RALGAPB: variants seen among roughly 807,000 people sequenced by gnomAD.
RALGAPB encodes the protein ral GTPase-activating protein subunit beta.
In RALGAPB, 25 loss-of-function variants were observed where a neutral mutation model predicts 161.1. That is an observed-to-expected ratio of 0.16 (90% CI 0.11 to 0.22). The LOEUF (loss-of-function observed/expected upper bound fraction) is 0.22. RALGAPB is among the 10% of genes least tolerant of loss of function. The pLI, the probability that RALGAPB is intolerant of heterozygous loss-of-function variation, is 1.00. For synonymous variants in RALGAPB, 629 were observed against 626.1 expected (o/e 1.00, Z -0.07); for missense variants, 1,391 against 1,815.2 (o/e 0.77, Z 4.25).
At position 38,487,854 on chromosome 20, in the gene RALGAPB, G is replaced by A. The variant is rs145870724; in HGVS notation, c.-30-549G>A. Among the ~76,000 whole-genome samples the A allele has an allele frequency of 5.6e-3, 854 of 152,230 alleles. 6 individuals carry two copies. The highest frequency in any genetic ancestry group is 0.019 in the African/African-American group (804 of 41,530). The stretch of plus-strand genomic sequence containing the variant: ...GGCTGAGGCGGGTGGATCACCTGAG[G>A]TCGGGAGTTCGAGACCAGCCTGACC... On this transcript the variant is annotated intron_variant, in intron 1 of 29. Transcript: ENST00000262879.
chr20:38,546,607 T>C (rs2087172752), intron 19 of RALGAPB, 177 bp downstream of exon 19: 1 of 715,874 alleles, frequency 1.4e-6, no homozygotes, highest in African/African-American at 1.8e-5. Flanking sequence ...AATATACATA[T>C]TACATAGAGT....
At chr20:38,496,375 C>T (rs1262878643) in intron 3 of RALGAPB, among the ~76,000 whole-genome samples, 1 of 152,172 alleles carries the variant, frequency 6.6e-6, no homozygotes, top group African/African-American at 2.4e-5. Context: ...ACTCCCCAGT[C>T]TGATTCAGGT....
rs1182079814 is a variant in RALGAPB at position 38,487,887 on chromosome 20, A to G, written c.-30-516A>G. On this transcript the variant is annotated intron_variant, in intron 1 of 29. Coordinates refer to ENST00000262879, the MANE Select transcript of RALGAPB (RefSeq NM_020336.4). ...TTCGAGACCAGCCTGACCAATGTAGAGAAACCCTGCCTCTACTAAAAATAC... is the reference window on the plus strand; with the variant it reads ...TTCGAGACCAGCCTGACCAATGTAGGGAAACCCTGCCTCTACTAAAAATAC... Among the ~76,000 whole-genome samples the G allele has an allele frequency of 2.6e-5, 4 of 152,096 alleles. 1 individual carries two copies. Among genetic ancestry groups the G allele is most frequent in the Non-Finnish European group, 5.9e-5 (4 of 68,016 alleles).
chr20:38,515,842 A>G (rs2086108946), intron 6 of RALGAPB, among the ~76,000 whole-genome samples: 2 of 152,108 alleles, frequency 1.3e-5, no homozygotes, highest in Non-Finnish European at 2.9e-5. Flanking sequence ...GGCTCAAGTG[A>G]TCTGCCTCAG....
intron 9 of RALGAPB, among the ~76,000 whole-genome samples, chr20:38,518,487 C>A (rs753282781): frequency 8.0e-4 from 121 of 152,132 alleles, no homozygotes; most frequent in Non-Finnish European, 1.6e-3. Context: ...CAAGGGCACA[C>A]TTTCAAAAAT....
At chr20:38,511,022 A>T (rs568970340) in intron 6 of RALGAPB, among the ~76,000 whole-genome samples, 11 of 152,052 alleles carry the variant, frequency 7.2e-5, no homozygotes, top group African/African-American at 2.7e-4. Context: ...TCAACAGATG[A>T]CTCCATTAGG....
Position 38,574,315 on chromosome 20 carries a change from T to A in RALGAPB, c.4291+17T>A. 6.4e-7 allele frequency: 1 copy of A among 1,571,742 alleles called. No homozygotes were observed. The stretch of plus-strand genomic sequence containing the variant: ...GAGCTCTTGGTAAGGTCTTCATATG[T>A]GGCCGAAGAGTTAAATTTTCTTTTT... On this transcript the variant is annotated intron_variant, in intron 29 of 29. Coordinates refer to ENST00000262879, the MANE Select transcript of RALGAPB (RefSeq NM_020336.4).
intron 13 of RALGAPB, among the ~76,000 whole-genome samples, chr20:38,529,987 T>C (rs1457620806): frequency 6.6e-6 from 1 of 152,218 alleles, no homozygotes; most frequent in Non-Finnish European, 1.5e-5. Context: ...ATCAAGCAAC[T>C]CAGCTTTTTC....
intron 3 of RALGAPB, 31 bp from the exon 4 acceptor site, chr20:38,497,322 C>T: frequency 1.9e-6 from 3 of 1,604,904 alleles, no homozygotes; most frequent in Non-Finnish European, 2.6e-6. Context: ...CTCCTCCAGG[C>T]TTGTCAGTGA....
At chr20:38,511,513 G>A (rs1242027759) in intron 6 of RALGAPB, among the ~76,000 whole-genome samples, 2 of 152,010 alleles carry the variant, frequency 1.3e-5, no homozygotes, top group Non-Finnish European at 2.9e-5. Flanking sequence ...GGGTACTTGA[G>A]ATTAGGGAGT....
At chr20:38,493,246 G>A (rs2085327617) in intron 3 of RALGAPB, 114 bp downstream of exon 3, 1 of 802,324 alleles carries the variant, frequency 1.2e-6, no homozygotes, top group Non-Finnish European at 2.0e-6. Context: ...GTGACTTCAT[G>A]TGTTCAGTTA....
chr20:38,527,187 TC>T (rs1315141872), intron 13 of RALGAPB, among the ~76,000 whole-genome samples: 1 of 152,226 alleles, frequency 6.6e-6, no homozygotes, highest in African/African-American at 2.4e-5. Flanking sequence ...TTCAGCTTCT[TC>T]CTAGCATCTT....
At chr20:38,513,814 G>A (rs2086046763) in intron 6 of RALGAPB, among the ~76,000 whole-genome samples, 1 of 152,096 alleles carries the variant, frequency 6.6e-6, no homozygotes, top group African/African-American at 2.4e-5. Context: ...ATTCCTGAAA[G>A]AAAAGTTTTG....
At chr20:38,561,820 T>C (rs948797107) in intron 23 of RALGAPB, among the ~76,000 whole-genome samples, 5 of 152,210 alleles carry the variant, frequency 3.3e-5, no homozygotes, top group Non-Finnish European at 5.9e-5. Context: ...CCACTAGATA[T>C]TTGTAGTGTG....
chr20:38,538,657 A>G (rs2086879354), intron 16 of RALGAPB, among the ~76,000 whole-genome samples: 2 of 152,242 alleles, frequency 1.3e-5, no homozygotes, highest in South Asian at 2.1e-4. Flanking sequence ...AAATAAGCAC[A>G]TGAAAAAAAT....
chr20:38,540,929 A>C, intron 17 of RALGAPB, 112 bp from the exon 18 acceptor site: 1 of 1,139,920 alleles, frequency 8.8e-7, no homozygotes, highest in Admixed American at 2.3e-5. Context: ...AATTACCAAG[A>C]AACTGGAGCC....
chr20:38,531,620 A>C (rs1198954204), intron 14 of RALGAPB, among the ~76,000 whole-genome samples: 2 of 152,178 alleles, frequency 1.3e-5, no homozygotes, highest in African/African-American at 4.8e-5. Context: ...CTCTAGACCT[A>C]AGTTTGCAGG....
chr20:38,571,827 A>G (rs1036527752), intron 28 of RALGAPB, among the ~76,000 whole-genome samples: 2 of 152,198 alleles, frequency 1.3e-5, no homozygotes, highest in African/African-American at 4.8e-5. Flanking sequence ...CCAACAGCAT[A>G]CAAGGGGATT....
At chr20:38,567,548 A>G (rs536366046) in intron 26 of RALGAPB, among the ~76,000 whole-genome samples, 88 of 152,318 alleles carry the variant, frequency 5.8e-4, no homozygotes, top group Middle Eastern at 3.4e-3. Flanking sequence ...TGCAGTAACT[A>G]CATGTTTTTT....
Sources: gnomAD v4.1 joint callset for allele counts (sites outside exome capture counted in the v4.1 genomes callset) on GRCh38, gnomAD v4.1.1 for gene constraint, MANE v1.5 for transcripts, NCBI Gene and HGNC (gene_info 2026-07-23, HGNC 2026-07-21) for gene names.